Variants in TAF1B observed in about 807,000 individuals in gnomAD.
TAF1B encodes TATA-box binding protein associated factor, RNA polymerase I subunit B.
A neutral mutation model predicts 83.9 loss-of-function variants in TAF1B; 61 were observed. That is an observed-to-expected ratio of 0.73 (90% CI 0.59 to 0.90). The LOEUF is 0.90. Among genes scored for constraint, TAF1B ranks in the 40% least tolerant of loss-of-function variants. TAF1B has a pLI of 0.00. For missense variants in TAF1B, 625 were observed against 677.0 expected (o/e 0.92, Z 0.85); for synonymous variants, 221 against 224.6 (o/e 0.98, Z 0.14).
At chr2:9,868,920 T>G (rs1389304165) in intron 6 of TAF1B, among the ~76,000 whole-genome samples, 1 of 152,240 alleles carries the variant, frequency 6.6e-6, no homozygotes, top group Non-Finnish European at 1.5e-5. Context: ...TATTTAAGAT[T>G]AAAATATAGG....
intron 8 of TAF1B, among the ~76,000 whole-genome samples, chr2:9,890,836 T>C (rs568704440): frequency 6.6e-6 from 1 of 152,306 alleles, no homozygotes; most frequent in Non-Finnish European, 1.5e-5. Context: ...AATTGCACAA[T>C]CTATGCTCAC....
chr2:9,913,068 G>A (rs1665580305), intron 11 of TAF1B, 91 bp from the exon 12 acceptor site: 2 of 1,051,022 alleles, frequency 1.9e-6, no homozygotes, highest in East Asian at 2.4e-5. Context: ...CAACTGCCCA[G>A]TGCAGTCAAT....
intron 12 of TAF1B, among the ~76,000 whole-genome samples, chr2:9,917,877 C>T (rs1047075148): frequency 9.2e-5 from 14 of 151,676 alleles, no homozygotes; most frequent in African/African-American, 3.1e-4. Context: ...TTGAGACCAT[C>T]CCGGCTAAAA....
intron 5 of TAF1B, among the ~76,000 whole-genome samples, chr2:9,854,865 C>T (rs903621578): frequency 1.3e-5 from 2 of 152,188 alleles, no homozygotes; most frequent in Admixed American, 6.5e-5. Flanking sequence ...TGGGTATTCT[C>T]CCATATCCAC....
Position 9,851,589 on chromosome 2 carries a change from A to G in TAF1B, c.254A>G (p.Tyr85Cys), listed in dbSNP as rs1324726548. The G allele has an allele frequency of 3.7e-6, 6 of 1,612,878 alleles. No individual in the cohort carries two copies. Among genetic ancestry groups the G allele is most frequent in the Non-Finnish European group, 5.1e-6 (6 of 1,179,734 alleles). ...TGTGAAGGTTTCCAGTATATTCTTT[A>G]TCAACAAGCAGAAGCCTTAAAGAAC... Reference protein sequence around the residue: ...YVCEGFQYILYQQAEALKNLG... With the variant: ...YVCEGFQYILCQQAEALKNLG... The change falls in exon 4 of 15, where the codon TAT (tyrosine) becomes TGT (cysteine). Residue 85 changes from tyrosine (Y) to cysteine (C), a missense_variant. Coordinates refer to ENST00000263663, the MANE Select transcript of TAF1B (RefSeq NM_005680.3).
rs371475463 is a variant in TAF1B at position 9,916,837 on chromosome 2, C to CT, written c.1272-2186dup. ...TGATTAGAAAAATTTCCTTTCTGTT[C>CT]TTTTTTTTTTTTTTTTTTGAGATGG... On this transcript the variant is annotated intron_variant, in intron 12 of 14. Coordinates refer to ENST00000263663, the MANE Select transcript of TAF1B (RefSeq NM_005680.3). Among the ~76,000 whole-genome samples, 143 of 95,736 alleles carry CT rather than the reference C, an allele frequency of 1.5e-3. 1 individual carries two copies. The highest frequency in any genetic ancestry group is 4.4e-3 in the African/African-American group (135 of 30,374). 62.8% of individuals were successfully genotyped at this position (95,736 alleles called of 152,430 possible). A position where few individuals can be genotyped will look rare whatever the true frequency, so the allele number is the denominator to read the frequency against.
chr2:9,851,646 C>G lies in TAF1B; in HGVS notation c.303+8C>G. 1.3e-6 allele frequency: 2 copies of G among 1,594,964 alleles called. No homozygotes were observed. The highest frequency in any genetic ancestry group is 1.7e-6 in the Non-Finnish European group (2 of 1,170,272). On this transcript the variant is annotated splice_region_variant and intron_variant, in intron 4 of 14. Coordinates refer to ENST00000263663, the MANE Select transcript of TAF1B (RefSeq NM_005680.3). ...GTAGGCCCAGAGTTAAAGGTAAGTA[C>G]ATTTGTGACTAGATGTTAGCTTTAC...
At chr2:9,855,270 C>T (rs975960395) in intron 5 of TAF1B, among the ~76,000 whole-genome samples, 2 of 152,254 alleles carry the variant, frequency 1.3e-5, no homozygotes, top group African/African-American at 4.8e-5. Context: ...GCTGGGATTA[C>T]AGGCGTGAGC....
chr2:9,904,925 C>G lies in TAF1B; in HGVS notation c.874C>G (p.Arg292Gly). 2 of 1,612,088 alleles carry G rather than the reference C, an allele frequency of 1.2e-6. No individual in the cohort carries two copies. The highest frequency in any genetic ancestry group is 1.7e-6 in the Non-Finnish European group (2 of 1,178,224). The change falls in exon 9 of 15, where the codon CGT becomes GGT. Residue 292 changes from arginine to glycine, a missense_variant. Arg to Gly is a moderately radical substitution (Grantham distance 125, BLOSUM62 -2). Coordinates refer to ENST00000263663, the MANE Select transcript of TAF1B (RefSeq NM_005680.3). ...AGTTGGAACATTTTTAGATTTGCCT[C>G]GTTTTCCAGACATAACTGAAGACTG... ...VEVGTFLDLP[R>G]FPDITEDCYL...
At chr2:9,882,147 C>A (rs1450725623) in intron 7 of TAF1B, among the ~76,000 whole-genome samples, 1 of 151,924 alleles carries the variant, frequency 6.6e-6, no homozygotes, top group African/African-American at 2.4e-5. Flanking sequence ...GCTCTGTTGC[C>A]CAGGCTGGAG....
rs66506343 is a variant in TAF1B at position 9,896,642 on chromosome 2, A to AT, written c.808-8217_808-8216insT. 5.0e-3 allele frequency among the ~76,000 whole-genome samples: 655 copies of AT among 130,166 alleles called. 9 individuals carry two copies. Among genetic ancestry groups the AT allele is most frequent in the African/African-American group, 0.014 (489 of 35,814 alleles). 85.4% of individuals were successfully genotyped at this position (130,166 alleles called of 152,430 possible). A position where few individuals can be genotyped will look rare whatever the true frequency, so the allele number is the denominator to read the frequency against. On this transcript the variant is annotated intron_variant, in intron 8 of 14. Transcript: ENST00000263663. ...AACCAAAAAAAAAAAAAAAAAAAAA[A>AT]GCTTTAAAAACCCTTTTCAAACCTT...
Position 9,919,722 on chromosome 2 carries a change from C to T in TAF1B, c.1467C>T (p.Phe489=), listed in dbSNP as rs763297566. The T allele has an allele frequency of 5.6e-6, 9 of 1,614,148 alleles. No homozygotes were observed. Among genetic ancestry groups the T allele is most frequent in the Non-Finnish European group, 6.8e-6 (8 of 1,180,014 alleles). ...AAGAGGACACTGATAGAACGTGTTT[C>T]CATGGACACAGCCTTCAGGGAGTCC... is the stretch of plus-strand genomic sequence containing the variant. ...WTEEDTDRTC[F]HGHSLQGVLK... is the part of the protein sequence containing the mutation. Residue 489 remains phenylalanine (F), a synonymous_variant, in exon 14 of 15, where the codon TTC becomes TTT. Transcript: ENST00000263663.
chr2:9,849,265 T>A, intron 2 of TAF1B, 108 bp from the exon 3 acceptor site: 1 of 726,968 alleles, frequency 1.4e-6, no homozygotes, highest in Non-Finnish European at 2.3e-6. Flanking sequence ...CCATCCTTGG[T>A]CCTGGCACTC....
chr2:9,925,257 T>C (rs960360923), intron 14 of TAF1B, among the ~76,000 whole-genome samples: 1 of 152,024 alleles, frequency 6.6e-6, no homozygotes, highest in East Asian at 1.9e-4. Context: ...CTGGCCAACA[T>C]GGTGAAACCC....
intron 7 of TAF1B, among the ~76,000 whole-genome samples, chr2:9,876,475 G>T (rs1168353714): frequency 2.6e-5 from 4 of 152,198 alleles, no homozygotes; most frequent in Non-Finnish European, 5.9e-5. Context: ...CTGTTGAAAG[G>T]ATGTGTTATC....
intron 12 of TAF1B, among the ~76,000 whole-genome samples, chr2:9,917,723 C>T (rs1267800782): frequency 2.0e-5 from 3 of 152,236 alleles, no homozygotes; most frequent in South Asian, 2.1e-4. Flanking sequence ...ATGGCTGAGA[C>T]AGTCTCTGCC....
chr2:9,861,597 A>G (rs533998397), intron 5 of TAF1B, among the ~76,000 whole-genome samples: 2 of 152,244 alleles, frequency 1.3e-5, no homozygotes, highest in Admixed American at 6.5e-5. Context: ...TGAAGAGAGC[A>G]GTGGTTCTCC....
intron 12 of TAF1B, among the ~76,000 whole-genome samples, chr2:9,917,900 G>T (rs370745340): frequency 9.9e-5 from 15 of 151,706 alleles, no homozygotes; most frequent in Admixed American, 9.8e-4. Flanking sequence ...GTGAAACCCC[G>T]TCTCTACTAA....
At chr2:9,846,382 GGCTAAAT>G (rs1663208362) in intron 2 of TAF1B, among the ~76,000 whole-genome samples, 2 of 152,292 alleles carry the variant, frequency 1.3e-5, no homozygotes, top group Non-Finnish European at 2.9e-5. Context: ...CTGCTGGACA[GGCTAAAT>G]GTGCCAGGAC....
Sources: allele counts gnomAD v4.1 joint callset (sites outside exome capture counted in the v4.1 genomes callset), GRCh38; gene constraint gnomAD v4.1.1; transcripts MANE v1.5; gene names NCBI Gene and HGNC (gene_info 2026-07-23, HGNC 2026-07-21).